The following PISD variants were observed in gnomAD, a reference collection of about 807,000 sequenced individuals.
The protein encoded by PISD is phosphatidylserine decarboxylase proenzyme, mitochondrial.
In PISD, 31 loss-of-function variants were observed where a neutral mutation model predicts 43.5. That is an observed-to-expected ratio of 0.71 (90% confidence interval 0.54 to 0.96). PISD has a LOEUF of 0.96. Ranked by LOEUF, PISD falls within the 40% of genes least tolerant of loss-of-function variation. PISD has a pLI of 0.00. For missense variants in PISD, 523 were observed against 548.4 expected (o/e 0.95, Z 0.46); for synonymous variants, 259 against 228.7 (o/e 1.13, Z -1.20).
At position 31,621,479 on chromosome 22, in the gene PISD, G is replaced by A. The variant is rs551301563; in HGVS notation, c.559-7C>T. On this transcript the variant is annotated splice_polypyrimidine_tract_variant and splice_region_variant and intron_variant, in intron 4 of 7. Transcript: ENST00000439502. ...TTCCATCCGATGGGCTAATCTGGAA[G>A]GGCAGGAGAGGCTTGCTGCCAGGGA... 56 of 1,614,076 alleles carry A rather than the reference G, an allele frequency of 3.5e-5. 1 individual carries two copies. The South Asian group carries it at 6.0e-4, about 17-fold the overall frequency.
chr22:31,644,052 A>AC, intron 3 of PISD, among the ~76,000 whole-genome samples: 1 of 151,358 alleles, frequency 6.6e-6, no homozygotes, highest in South Asian at 2.1e-4. Flanking sequence ...CGTCTCAAAA[A>AC]AAAAAACAAA....
chr22:31,630,766 C>T lies in PISD; in HGVS notation c.322-8881G>A. On this transcript the variant is annotated intron_variant, in intron 3 of 7. Coordinates refer to ENST00000439502, the MANE Select transcript of PISD (RefSeq NM_001326411.2). This position sits in a 1 kb window ranked among gnomAD's most constrained non-coding sequence, Gnocchi z 4.4. The stretch of plus-strand genomic sequence containing the variant: ...CGCCTCCCTGAGAAGTCACCTGGGG[C>T]TCCCGGCAGGGCCGGGGCGCCGGCT... 1 of 985,626 alleles carries T rather than the reference C, an allele frequency of 1.0e-6. No individual in the cohort carries two copies. The highest frequency in any genetic ancestry group is 1.2e-6 in the Non-Finnish European group (1 of 830,090). 61.1% of individuals were successfully genotyped at this position (985,626 alleles called of 1,614,324 possible).
rs1392092560 is a variant in PISD at position 31,618,958 on chromosome 22, G to C, written c.*654C>G. On this transcript the variant is annotated 3_prime_UTR_variant, in exon 8 of 8. Coordinates refer to ENST00000439502, the MANE Select transcript of PISD (RefSeq NM_001326411.2). ...AGAGGACCTGGCCAGCTCCAGAAGG[G>C]TCACTCATCAGGTCCTGCAAAGGTC... 1.2e-5 allele frequency: 2 copies of C among 164,900 alleles called. No homozygotes were observed. The highest frequency in any genetic ancestry group is 4.8e-5 in the African/African-American group (2 of 41,546). The allele number at this position is 164,900 out of a possible 1,614,324, so 10.2% of individuals were successfully genotyped here. A position where few individuals can be genotyped will look rare whatever the true frequency, so the allele number is the denominator to read the frequency against.
chr22:31,659,386 C>A (rs1027591041), intron 1 of PISD, among the ~76,000 whole-genome samples: 9 of 152,108 alleles, frequency 5.9e-5, no homozygotes, highest in Non-Finnish European at 1.3e-4. Flanking sequence ...CTCTCTTCTC[C>A]CTTCTCTATG....
intron 1 of PISD, among the ~76,000 whole-genome samples, chr22:31,654,824 C>T (rs1335555566): frequency 1.4e-4 from 22 of 152,070 alleles, no homozygotes; most frequent in Admixed American, 1.4e-3. Context: ...ACCTGTAATC[C>T]TAATACTTTG....
intron 1 of PISD, among the ~76,000 whole-genome samples, chr22:31,652,752 T>G (rs894328174): frequency 2.0e-5 from 3 of 150,742 alleles, no homozygotes; most frequent in Admixed American, 2.0e-4. Flanking sequence ...ACACCCCCCT[T>G]GCCAGGCTGG....
intron 3 of PISD, among the ~76,000 whole-genome samples, chr22:31,637,164 A>AATATAT (rs61010566): frequency 4.8e-3 from 65 of 13,548 alleles, no homozygotes; most frequent in East Asian, 0.013. Flanking sequence ...AAAAAAAAAA[A>AATATAT]ATATATATAT....
At position 31,625,850 on chromosome 22, in the gene PISD, C is replaced by CGATCA. The variant is rs1330567405; in HGVS notation, c.322-3970_322-3966dup. The CGATCA allele has an allele frequency of 7.0e-6, 11 of 1,577,804 alleles. No individual in the cohort carries two copies. The African/African-American group carries it at 1.1e-4, about 15-fold the overall frequency. On this transcript the variant is annotated intron_variant, in intron 3 of 7. Transcript: ENST00000439502. ...CAGGGAGGGCGGGGCGAGGCTCACT[C>CGATCA]GATCACTCCCTTTGTTTTCCTCTTT...
intron 3 of PISD, among the ~76,000 whole-genome samples, chr22:31,624,391 C>T (rs1018999555): frequency 2.6e-5 from 4 of 152,324 alleles, no homozygotes; most frequent in Admixed American, 6.5e-5. Flanking sequence ...CGCTACCATC[C>T]TTTGCAGGAT....
chr22:31,650,971 C>A (rs1021091421), intron 1 of PISD, among the ~76,000 whole-genome samples, 193 bp from the exon 2 acceptor site: 1 of 152,042 alleles, frequency 6.6e-6, no homozygotes, highest in Admixed American at 6.6e-5. Context: ...TTAATTCATT[C>A]ATTCATTCTT....
chr22:31,618,531 T>A lies in PISD; in HGVS notation c.*1081A>T. Reference sequence around the variant, plus strand: ...TTTTTATTTCAAAATGCTTTGCAATTAAATGAATTACTGTTCAGAAGTCTC... The same window carrying A: ...TTTTTATTTCAAAATGCTTTGCAATAAAATGAATTACTGTTCAGAAGTCTC... On this transcript the variant is annotated 3_prime_UTR_variant, in exon 8 of 8. Coordinates refer to ENST00000439502, the MANE Select transcript of PISD (RefSeq NM_001326411.2). The A allele has an allele frequency of 1.9e-6, 2 of 1,076,150 alleles. No individual in the cohort carries two copies. The highest frequency in any genetic ancestry group is 2.5e-6 in the Non-Finnish European group (2 of 791,062). 66.7% of individuals were successfully genotyped at this position (1,076,150 alleles called of 1,614,324 possible).
At chr22:31,622,611 C>CCA (rs1474581301) in intron 3 of PISD, among the ~76,000 whole-genome samples, 2 of 152,218 alleles carry the variant, frequency 1.3e-5, no homozygotes, top group Non-Finnish European at 2.9e-5. Flanking sequence ...CTGAGCCAGG[C>CCA]CATAAAGCCA....
At chr22:31,650,847 A>T in intron 1 of PISD, 69 bp from the exon 2 acceptor site, 1 of 917,702 alleles carries the variant, frequency 1.1e-6, no homozygotes, top group Non-Finnish European at 1.7e-6. Flanking sequence ...TAATCGGCAA[A>T]ATTTAAACAC....
Position 31,637,202 on chromosome 22 carries a change from T to G in PISD, c.321+10899A>C, listed in dbSNP as rs190620381. Reference sequence around the variant, plus strand: ...ATATATATATATATATATATATATATATATAGAAAAATTAGCCGGGCATGG... The same window carrying G: ...ATATATATATATATATATATATATAGATATAGAAAAATTAGCCGGGCATGG... On this transcript the variant is annotated intron_variant, in intron 3 of 7. Transcript: ENST00000439502. 2.6e-3 allele frequency among the ~76,000 whole-genome samples: 243 copies of G among 92,408 alleles called. 7 individuals are homozygous for G. Among genetic ancestry groups the G allele is most frequent in the African/African-American group, 0.01 (231 of 22,686 alleles). 60.6% of individuals were successfully genotyped at this position (92,408 alleles called of 152,430 possible). A position where few individuals can be genotyped will look rare whatever the true frequency, so the allele number is the denominator to read the frequency against.
intron 1 of PISD, among the ~76,000 whole-genome samples, chr22:31,654,795 G>C (rs2074121349): frequency 6.6e-6 from 1 of 152,156 alleles, no homozygotes; most frequent in Non-Finnish European, 1.5e-5. Flanking sequence ...TGGCAGGAAG[G>C]CCAGGCGTGG....
chr22:31,639,257 C>T (rs1267300099), intron 3 of PISD, among the ~76,000 whole-genome samples: 1 of 152,020 alleles, frequency 6.6e-6, no homozygotes, highest in Non-Finnish European at 1.5e-5. Flanking sequence ...CTGCAACCTC[C>T]GCCTGCTGGG....
intron 3 of PISD, among the ~76,000 whole-genome samples, chr22:31,639,414 T>G (rs1332776962): frequency 6.6e-6 from 1 of 152,024 alleles, no homozygotes; most frequent in Non-Finnish European, 1.5e-5. Context: ...TATTTTTTTG[T>G]AGAGACAGAG....
At chr22:31,640,115 G>A (rs913889888) in intron 3 of PISD, among the ~76,000 whole-genome samples, 2 of 152,048 alleles carry the variant, frequency 1.3e-5, no homozygotes, top group African/African-American at 4.8e-5. Context: ...CACGCGACGG[G>A]GCTAAATGGA....
chr22:31,637,162 AAAATATATATATAT>A (rs1403191230), intron 3 of PISD, among the ~76,000 whole-genome samples: 11 of 15,470 alleles, frequency 7.1e-4, no homozygotes, highest in African/African-American at 1.9e-3. Context: ...AAAAAAAAAA[AAAATATATATATAT>A]ATATATATAT....
Sources: allele counts gnomAD v4.1 joint callset (sites outside exome capture counted in the v4.1 genomes callset), GRCh38; gene constraint gnomAD v4.1.1; non-coding constraint Gnocchi (gnomAD v3.1); transcripts MANE v1.5; gene names NCBI Gene and HGNC (gene_info 2026-07-23, HGNC 2026-07-21).